VGLL4: variants seen among roughly 807,000 people sequenced by gnomAD.
VGLL4 encodes transcription cofactor vestigial-like protein 4.
VGLL4 carries 7 observed loss-of-function variants against 21.0 expected under a neutral mutation model. That is an observed-to-expected ratio of 0.33 (90% CI 0.19 to 0.63). The LOEUF is 0.63. Ranked by LOEUF, VGLL4 falls within the 20% of genes least tolerant of loss-of-function variation. The pLI is 0.78. For synonymous variants in VGLL4, 222 were observed against 173.2 expected (o/e 1.28, Z -2.21); for missense variants, 394 against 425.7 (o/e 0.93, Z 0.66).
At chr3:11,664,345 A>G (rs184599690) in intron 2 of VGLL4, among the ~76,000 whole-genome samples, 474 of 152,292 alleles carry the variant, frequency 3.1e-3, no homozygotes, top group African/African-American at 0.011. Flanking sequence ...ACTTTTGGAT[A>G]GGGAGGTAAT....
intron 1 of VGLL4, among the ~76,000 whole-genome samples, chr3:11,635,870 A>G (rs998953025): frequency 1.3e-5 from 2 of 152,152 alleles, no homozygotes; most frequent in South Asian, 2.1e-4. Flanking sequence ...GCTATTACAT[A>G]TTCCTTAAAC....
chr3:11,595,500 G>A lies in VGLL4; in HGVS notation c.272+6333C>T, dbSNP rs553071939. 2.6e-5 allele frequency among the ~76,000 whole-genome samples: 4 copies of A among 152,092 alleles called. No individual in the cohort carries two copies. The South Asian group carries it at 8.3e-4, about 32-fold the overall frequency. On this transcript the variant is annotated intron_variant, in intron 2 of 4. Coordinates refer to ENST00000430365, the MANE Select transcript of VGLL4 (RefSeq NM_001128219.3). Reference sequence around the variant, plus strand: ...CCCATTACTGGGTATATACCCAAAGGACTATAAATCATGCTGCTATAAAGA... The same window carrying A: ...CCCATTACTGGGTATATACCCAAAGAACTATAAATCATGCTGCTATAAAGA...
intron 1 of VGLL4, among the ~76,000 whole-genome samples, chr3:11,632,791 A>G (rs912993237): frequency 6.6e-6 from 1 of 151,968 alleles, no homozygotes; most frequent in African/African-American, 2.4e-5. Flanking sequence ...TAGAACATAC[A>G]CTCCATAAAG....
upstream of VGLL4, among the ~76,000 whole-genome samples, chr3:11,644,204 G>A (rs1203260112): frequency 1.3e-5 from 2 of 152,134 alleles, no homozygotes; most frequent in Non-Finnish European, 2.9e-5. Context: ...ATCCATCATG[G>A]AAGCAAACTC....
chr3:11,709,621 T>C (rs1402661226), intron 1 of VGLL4, among the ~76,000 whole-genome samples: 2 of 152,058 alleles, frequency 1.3e-5, no homozygotes, highest in Non-Finnish European at 2.9e-5. Context: ...TCATATATTT[T>C]CTCTGCCAGT....
rs1575332614 is a variant in VGLL4 at position 11,557,419 on chromosome 3, A to C, written c.*1137T>G. 1 of 152,500 alleles carries C rather than the reference A, an allele frequency of 6.6e-6. No homozygotes were observed. The highest frequency in any genetic ancestry group is 2.4e-5 in the African/African-American group (1 of 41,336). The allele number at this position is 152,500 out of a possible 1,614,324, so 9.4% of individuals were successfully genotyped here. On this transcript the variant is annotated 3_prime_UTR_variant, in exon 5 of 5. Transcript: ENST00000430365. ...AGGGAAGTTGGAAGACACAAACCCC[A>C]CCTCCCCTGGGAGCTTGTAACAAAG...
intron 2 of VGLL4, among the ~76,000 whole-genome samples, chr3:11,701,069 G>A (rs1346842505): frequency 2.6e-5 from 4 of 152,154 alleles, no homozygotes; most frequent in South Asian, 2.1e-4. Context: ...AGACACAGAC[G>A]CATGATGATA....
intron 1 of VGLL4, among the ~76,000 whole-genome samples, chr3:11,615,249 T>C (rs9870758): frequency 0.021 from 3,148 of 152,278 alleles, 120 homozygotes; most frequent in African/African-American, 0.071. Context: ...GAGGACTTCA[T>C]TAATTAAGGG....
At chr3:11,609,285 T>C (rs2075010324) in intron 1 of VGLL4, among the ~76,000 whole-genome samples, 1 of 152,224 alleles carries the variant, frequency 6.6e-6, no homozygotes. Flanking sequence ...AAGTTAAGTT[T>C]CCTTTTACTG....
chr3:11,627,101 G>A (rs1261896550), intron 1 of VGLL4, among the ~76,000 whole-genome samples: 11 of 151,092 alleles, frequency 7.3e-5, no homozygotes, highest in Admixed American at 6.6e-4. Context: ...AACTCCACTT[G>A]TGGAACTGGC....
At chr3:11,609,682 G>GGGTCTC (rs1283208239) in intron 1 of VGLL4, among the ~76,000 whole-genome samples, 6 of 152,218 alleles carry the variant, frequency 3.9e-5, no homozygotes, top group Non-Finnish European at 5.9e-5. Flanking sequence ...ATGGGAACCC[G>GGGTCTC]GGTCTCGGCC....
intron 2 of VGLL4, among the ~76,000 whole-genome samples, chr3:11,682,753 T>TAC (rs1042535887): frequency 2.3e-4 from 35 of 151,972 alleles, no homozygotes; most frequent in African/African-American, 8.5e-4. Flanking sequence ...TTCCATCTCT[T>TAC]ACATCCAAGC....
At chr3:11,598,051 C>A (rs1559889319) in intron 2 of VGLL4, among the ~76,000 whole-genome samples, 1 of 151,374 alleles carries the variant, frequency 6.6e-6, no homozygotes, top group Admixed American at 6.6e-5. Context: ...TATAAGACAT[C>A]ATCTCGCTCT....
At chr3:11,691,947 G>C (rs968120565) in intron 2 of VGLL4, among the ~76,000 whole-genome samples, 18 of 137,762 alleles carry the variant, frequency 1.3e-4, no homozygotes, top group Non-Finnish European at 2.6e-4. Context: ...AAAGTGGAGA[G>C]AGAAGAGATG....
At chr3:11,700,843 C>T (rs984544014) in intron 2 of VGLL4, among the ~76,000 whole-genome samples, 1 of 152,166 alleles carries the variant, frequency 6.6e-6, no homozygotes, top group African/African-American at 2.4e-5. Context: ...CTGCCTCTCC[C>T]GAGCTCCAAT....
intron 2 of VGLL4, among the ~76,000 whole-genome samples, chr3:11,691,274 A>G (rs1027442857): frequency 1.1e-4 from 17 of 150,500 alleles, no homozygotes; most frequent in African/African-American, 4.2e-4. Context: ...TGGCAAGAGG[A>G]CTATTGTCTC....
At chr3:11,566,123 G>A (rs867041375) in intron 2 of VGLL4, among the ~76,000 whole-genome samples, 18 of 152,304 alleles carry the variant, frequency 1.2e-4, no homozygotes, top group African/African-American at 3.6e-4. Context: ...CACAGCCCCC[G>A]TCCCGGACTG....
chr3:11,647,281 G>A (rs17034956), upstream of VGLL4, among the ~76,000 whole-genome samples: 2 of 151,952 alleles, frequency 1.3e-5, no homozygotes, highest in Non-Finnish European at 2.9e-5. Flanking sequence ...TATGCTTCTC[G>A]GTGTGCAGGA....
chr3:11,635,798 A>G (rs1274372654), intron 1 of VGLL4, among the ~76,000 whole-genome samples: 4 of 152,396 alleles, frequency 2.6e-5, no homozygotes, highest in African/African-American at 9.6e-5. Flanking sequence ...TATACTGAGA[A>G]TGACAGCTAT....
Sources: allele counts gnomAD v4.1 joint callset (sites outside exome capture counted in the v4.1 genomes callset), GRCh38; gene constraint gnomAD v4.1.1; transcripts MANE v1.5; gene names NCBI Gene and HGNC (gene_info 2026-07-23, HGNC 2026-07-21).